The following RBFOX1 variants were observed in gnomAD, a reference collection of about 807,000 sequenced individuals.
The protein encoded by RBFOX1 is RNA binding fox-1 homolog 1.
In RBFOX1, 8 loss-of-function variants were observed where a neutral mutation model predicts 57.7. The ratio of observed to expected loss-of-function variants is 0.14; its 90% CI spans 0.08 to 0.25. The LOEUF is 0.25. Among genes scored for constraint, RBFOX1 ranks in the 10% least tolerant of loss-of-function variants. The probability of loss-of-function intolerance (pLI) is 1.00; values close to 1 mark genes in which losing one functional copy is unlikely to be tolerated. For missense variants in RBFOX1, 611 were observed against 548.5 expected, an observed-to-expected ratio of 1.11 and a Z score of -1.14; for synonymous variants, 326 against 222.4, an observed-to-expected ratio of 1.47 and a Z score of -4.15.
At chr16:6,314,048 C>G (rs74005083) in intron 1 of RBFOX1, among the ~76,000 whole-genome samples, 174 of 152,108 alleles carry the variant, frequency 1.1e-3, no homozygotes, top group African/African-American at 4.0e-3. Context: ...TGGATTAAGA[C>G]CAGATGTAAA....
chr16:6,631,324 A>G (rs1259921097), intron 2 of RBFOX1, among the ~76,000 whole-genome samples: 1 of 152,168 alleles, frequency 6.6e-6, no homozygotes, highest in Non-Finnish European at 1.5e-5. Context: ...ATTTTAATGC[A>G]TATTTAAGAA....
chr16:7,453,707 C>T (rs1053329456), intron 4 of RBFOX1, among the ~76,000 whole-genome samples: 1 of 152,156 alleles, frequency 6.6e-6, no homozygotes, highest in African/African-American at 2.4e-5. Flanking sequence ...GAGTGTAAGA[C>T]AGCATCCTTG....
chr16:6,375,983 C>A (rs1351688542), intron 2 of RBFOX1, among the ~76,000 whole-genome samples: 1 of 152,114 alleles, frequency 6.6e-6, no homozygotes, highest in Non-Finnish European at 1.5e-5. Context: ...GCCTCCAGCT[C>A]CCCCTCTGTT....
chr16:6,132,072 A>C (rs957474908), intron 1 of RBFOX1, among the ~76,000 whole-genome samples: 5 of 152,186 alleles, frequency 3.3e-5, no homozygotes, highest in African/African-American at 1.2e-4. Flanking sequence ...AACACGCTTT[A>C]GTTCACAAAG....
chr16:5,902,767 C>A (rs564739044), intron 4 of RBFOX1, among the ~76,000 whole-genome samples: 2 of 152,112 alleles, frequency 1.3e-5, no homozygotes, highest in Non-Finnish European at 2.9e-5. Context: ...ATTCTATCCA[C>A]CCTCCTTTTT....
intron 2 of RBFOX1, among the ~76,000 whole-genome samples, chr16:5,548,789 T>TA (rs1481792736): frequency 1.3e-5 from 2 of 152,168 alleles, no homozygotes; most frequent in Admixed American, 6.5e-5. Flanking sequence ...GGGGCACACT[T>TA]AAACACTAAA....
intron 2 of RBFOX1, among the ~76,000 whole-genome samples, chr16:6,444,633 C>G (rs371012437): frequency 6.7e-5 from 10 of 149,786 alleles, no homozygotes; most frequent in African/African-American, 2.2e-4. Flanking sequence ...TCCATTAAAC[C>G]TTTTTTTTTT....
At chr16:5,708,035 TGAAA>T (rs2051317215) in intron 3 of RBFOX1, among the ~76,000 whole-genome samples, 1 of 152,136 alleles carries the variant, frequency 6.6e-6, no homozygotes, top group Non-Finnish European at 1.5e-5. Context: ...TTATTGTTGT[TGAAA>T]GAGAGAATAA....
chr16:7,501,898 G>A (rs769098965), intron 4 of RBFOX1, among the ~76,000 whole-genome samples: 1 of 152,148 alleles, frequency 6.6e-6, no homozygotes, highest in Non-Finnish European at 1.5e-5. Context: ...CCTGGGCTAT[G>A]TCTACCTTAT....
intron 4 of RBFOX1, among the ~76,000 whole-genome samples, chr16:7,432,284 CT>C (rs1368756179): frequency 1.3e-5 from 2 of 152,160 alleles, no homozygotes; most frequent in Admixed American, 6.5e-5. Context: ...GAGAAGTGAA[CT>C]TTGGGATTTT....
intron 2 of RBFOX1, among the ~76,000 whole-genome samples, chr16:6,337,095 GT>G (rs1409507971): frequency 6.6e-6 from 1 of 152,142 alleles, no homozygotes; most frequent in Non-Finnish European, 1.5e-5. Flanking sequence ...TTACTCGACA[GT>G]TTATTTCCAT....
In RBFOX1 at chr16:5,828,234, C is replaced by T. The variant is rs539558121; in HGVS notation, c.319-39069C>T. Among the ~76,000 whole-genome samples the T allele has an allele frequency of 1.3e-3, 203 of 152,238 alleles. 2 individuals are homozygous for T. The highest frequency in any genetic ancestry group is 4.5e-3 in the African/African-American group (188 of 41,520). On this transcript the variant is annotated intron_variant, in intron 3 of 19. Coordinates refer to the RBFOX1 transcript ENST00000641259. ...ACCCATTCATCTGTCCATTCAACCA[C>T]CCACAAATCTACCCATCCATGTGTG...
chr16:5,453,101 G>T (rs1168571029), intron 1 of RBFOX1, among the ~76,000 whole-genome samples: 2 of 151,956 alleles, frequency 1.3e-5, no homozygotes, highest in African/African-American at 2.4e-5. Context: ...CTTTTCAGTC[G>T]ATTGATCAGT....
intron 14 of RBFOX1, among the ~76,000 whole-genome samples, chr16:7,682,137 A>G (rs971341210): frequency 6.6e-6 from 1 of 152,160 alleles, no homozygotes; most frequent in Non-Finnish European, 1.5e-5. Flanking sequence ...GATTTATAAA[A>G]TTAGAACAAT....
chr16:5,388,148 A>G (rs765345737), intron 1 of RBFOX1, among the ~76,000 whole-genome samples: 5 of 152,192 alleles, frequency 3.3e-5, no homozygotes, highest in African/African-American at 7.2e-5. Flanking sequence ...AAGATAGTAC[A>G]TTTGTGTTTT....
chr16:5,918,637 TG>T, intron 4 of RBFOX1, among the ~76,000 whole-genome samples: 1 of 152,212 alleles, frequency 6.6e-6, no homozygotes, highest in Non-Finnish European at 1.5e-5. Context: ...GGGTAGACAG[TG>T]AGCTGTAGGC....
At chr16:6,484,059 T>C (rs538443146) in intron 2 of RBFOX1, 11 of 497,946 alleles carry the variant, frequency 2.2e-5, no homozygotes, top group African/African-American at 2.1e-4. Flanking sequence ...ATGCATCGAT[T>C]TTCTTTACCC....
chr16:7,607,087 C>A (rs533765318), intron 9 of RBFOX1, among the ~76,000 whole-genome samples, 198 bp from the exon 10 acceptor site: 2 of 152,218 alleles, frequency 1.3e-5, no homozygotes, highest in African/African-American at 4.8e-5. Flanking sequence ...CTTGCACTGG[C>A]AGAAAATCAA....
chr16:5,777,563 C>T (rs1400986411), intron 3 of RBFOX1, among the ~76,000 whole-genome samples: 1 of 152,200 alleles, frequency 6.6e-6, no homozygotes, highest in East Asian at 1.9e-4. Flanking sequence ...AGCATTGTCA[C>T]TTACTCCTTG....
Sources: gnomAD v4.1 joint callset for allele counts (sites outside exome capture counted in the v4.1 genomes callset) on GRCh38, gnomAD v4.1.1 for gene constraint, MANE v1.5 for transcripts, NCBI Gene and HGNC (gene_info 2026-07-23, HGNC 2026-07-21) for gene names.